The following GABBR2 variants were observed in gnomAD, a reference collection of about 807,000 sequenced individuals.
GABBR2 encodes gamma-aminobutyric acid type B receptor subunit 2, also known as G-protein coupled receptor 51.
In GABBR2, 23 loss-of-function variants were observed where a neutral mutation model predicts 105.6. That is an observed-to-expected ratio of 0.22 (90% confidence interval 0.16 to 0.31). The LOEUF is 0.31. GABBR2 is among the 10% of genes least tolerant of loss of function. The pLI is 1.00. For synonymous variants in GABBR2, 478 were observed against 499.7 expected, an observed-to-expected ratio of 0.96 and a Z score of 0.58; for missense variants, 734 against 1,245.5, an observed-to-expected ratio of 0.59 and a Z score of 6.18.
chr9:98,471,501 A>G (rs1826674123), intron 6 of GABBR2, among the ~76,000 whole-genome samples: 1 of 152,262 alleles, frequency 6.6e-6, no homozygotes, highest in Non-Finnish European at 1.5e-5. Flanking sequence ...ATCTTCCTAC[A>G]ATGCACTCTC....
chr9:98,333,840 G>A lies in GABBR2; in HGVS notation c.1894-22635C>T, dbSNP rs113722598. On this transcript the variant is annotated intron_variant, in intron 13 of 18. Transcript: ENST00000259455. ...CAGAGTCTACTTGCTTAACCACTAAGGGCTACATGTTGTATATTTACCAGC... is the reference window on the plus strand; with the variant it reads ...CAGAGTCTACTTGCTTAACCACTAAAGGCTACATGTTGTATATTTACCAGC... Among the ~76,000 whole-genome samples the A allele has an allele frequency of 3.7e-3, 560 of 152,282 alleles. 3 individuals are homozygous for A. The highest frequency in any genetic ancestry group is 0.012 in the African/African-American group (504 of 41,552).
intron 1 of GABBR2, among the ~76,000 whole-genome samples, chr9:98,702,360 C>T (rs1830841441): frequency 6.6e-6 from 1 of 152,048 alleles, no homozygotes; most frequent in African/African-American, 2.4e-5. Flanking sequence ...TCACAACACC[C>T]TCTCCTGCCT....
chr9:98,516,022 C>T (rs538462341), intron 3 of GABBR2: 3 of 152,572 alleles, frequency 2.0e-5, no homozygotes, highest in East Asian at 3.9e-4. Flanking sequence ...GGGAGAGGAC[C>T]CAGTGAGTGG....
At chr9:98,683,442 T>C (rs1830575595) in intron 1 of GABBR2, among the ~76,000 whole-genome samples, 1 of 152,052 alleles carries the variant, frequency 6.6e-6, no homozygotes, top group African/African-American at 2.4e-5. Flanking sequence ...TGTTTTATCT[T>C]GAAGGAGGAA....
chr9:98,341,597 A>G (rs1250401791), intron 13 of GABBR2, among the ~76,000 whole-genome samples: 1 of 152,244 alleles, frequency 6.6e-6, no homozygotes, highest in Admixed American at 6.5e-5. Flanking sequence ...CAAGGTTAAA[A>G]AGAACACAGA....
At chr9:98,667,320 A>G (rs1255177257) in intron 1 of GABBR2, among the ~76,000 whole-genome samples, 3 of 152,120 alleles carry the variant, frequency 2.0e-5, no homozygotes, top group Non-Finnish European at 4.4e-5. Flanking sequence ...CTAAACAGAG[A>G]AAGTGAATGC....
Position 98,481,235 on chromosome 9 carries a change from C to G in GABBR2, c.733-238G>C, listed in dbSNP as rs564495986. 2.6e-4 allele frequency among the ~76,000 whole-genome samples: 40 copies of G among 152,304 alleles called. No individual in the cohort carries two copies. In the South Asian group the frequency reaches 3.7e-3, roughly 14 times the overall value. On this transcript the variant is annotated intron_variant, in intron 4 of 18. Transcript: ENST00000259455. ...AGTCCACCCTGGTCTCATGGGCAAG[C>G]CCTAGGGCAAGTCTGTACAGGCTGG... is the stretch of plus-strand genomic sequence containing the variant.
chr9:98,640,559 ATACATGGATG>A (rs1385613007), intron 1 of GABBR2, among the ~76,000 whole-genome samples: 1 of 152,178 alleles, frequency 6.6e-6, no homozygotes, highest in Non-Finnish European at 1.5e-5. Context: ...ACCAGGTACC[ATACATGGATG>A]TACATGGAGT....
chr9:98,640,970 C>T (rs541564978), intron 1 of GABBR2, among the ~76,000 whole-genome samples: 1 of 152,086 alleles, frequency 6.6e-6, no homozygotes, highest in South Asian at 2.1e-4. Context: ...GTAAGATCTG[C>T]CTCCTCAGTG....
chr9:98,496,585 C>G (rs748371478), intron 3 of GABBR2, 71 bp from the exon 4 acceptor site: 2 of 1,012,950 alleles, frequency 2.0e-6, no homozygotes, highest in Non-Finnish European at 3.1e-6. Context: ...GAGGGGTCAC[C>G]CTGGGGAAGT....
At chr9:98,587,119 C>T (rs1187140854) in intron 1 of GABBR2, among the ~76,000 whole-genome samples, 1 of 152,198 alleles carries the variant, frequency 6.6e-6, no homozygotes, top group South Asian at 2.1e-4. Context: ...TTTGATATCA[C>T]ATTTCAATTT....
chr9:98,311,003 CTGTT>C (rs1168773967), intron 14 of GABBR2, 88 bp downstream of exon 14: 8 of 720,210 alleles, frequency 1.1e-5, no homozygotes, highest in African/African-American at 1.8e-5. Flanking sequence ...CATGGAGGCT[CTGTT>C]TATTTTTACA....
chr9:98,349,481 G>A (rs1235932976), intron 13 of GABBR2, among the ~76,000 whole-genome samples: 2 of 149,700 alleles, frequency 1.3e-5, no homozygotes, highest in African/African-American at 4.9e-5. Context: ...AGCCTCCCAA[G>A]TAGCTGGGAT....
chr9:98,672,221 TC>T, intron 1 of GABBR2, among the ~76,000 whole-genome samples: 2 of 152,064 alleles, frequency 1.3e-5, no homozygotes, highest in African/African-American at 2.4e-5. Context: ...ATTTCCCCTC[TC>T]CCCCAGCCCT....
chr9:98,592,527 T>C (rs56123608), intron 1 of GABBR2, among the ~76,000 whole-genome samples: 38,646 of 152,050 alleles, frequency 0.25, 5,151 homozygotes, highest in Non-Finnish European at 0.3. Context: ...ACTGACAAGT[T>C]CAAGATTACA....
chr9:98,606,191 G>A (rs1392449320), intron 1 of GABBR2, among the ~76,000 whole-genome samples: 1 of 152,190 alleles, frequency 6.6e-6, no homozygotes, highest in Non-Finnish European at 1.5e-5. Flanking sequence ...CATTTGGGTT[G>A]GTTCCAAGTC....
chr9:98,308,877 A>G (rs994322092), intron 14 of GABBR2, among the ~76,000 whole-genome samples: 1 of 152,242 alleles, frequency 6.6e-6, no homozygotes, highest in Non-Finnish European at 1.5e-5. Flanking sequence ...CGAACACATC[A>G]TCCACGAATG....
In GABBR2 at chr9:98,498,638, A is replaced by G. The variant is rs551192590; in HGVS notation, c.631-2124T>C. ...TAGCAAGTCCTTGGGTGTTTATTTTATTCTGAATGCTTGAAATGCCTTGTG... is the reference window on the plus strand; with the variant it reads ...TAGCAAGTCCTTGGGTGTTTATTTTGTTCTGAATGCTTGAAATGCCTTGTG... On this transcript the variant is annotated intron_variant, in intron 3 of 18. Coordinates refer to ENST00000259455, the MANE Select transcript of GABBR2 (RefSeq NM_005458.8). Among the ~76,000 whole-genome samples the G allele has an allele frequency of 4.3e-4, 66 of 152,352 alleles. 1 individual carries two copies. In the South Asian group the frequency reaches 0.013, roughly 30 times the overall value.
At chr9:98,551,123 C>A (rs1306438375) in intron 2 of GABBR2, among the ~76,000 whole-genome samples, 1 of 152,126 alleles carries the variant, frequency 6.6e-6, no homozygotes, top group East Asian at 1.9e-4. Flanking sequence ...TCAGACAGGG[C>A]TAGGTGCAGT....
Sources: allele counts gnomAD v4.1 joint callset (sites outside exome capture counted in the v4.1 genomes callset), GRCh38; gene constraint gnomAD v4.1.1; transcripts MANE v1.5; gene names NCBI Gene and HGNC (gene_info 2026-07-23, HGNC 2026-07-21).